Variants in FURIN observed in about 807,000 individuals in gnomAD.
The protein encoded by FURIN is FES upstream region.
In FURIN, 18 loss-of-function variants were observed where a neutral mutation model predicts 89.2. The observed-to-expected ratio is 0.20, with a 90% CI of 0.14 to 0.30. FURIN has a LOEUF of 0.30. FURIN is among the 10% of genes least tolerant of loss of function. The pLI, the probability that FURIN is intolerant of heterozygous loss-of-function variation, is 1.00. For missense variants in FURIN, 879 were observed against 1,100.5 expected (o/e 0.80, Z 2.85); for synonymous variants, 508 against 466.4 (o/e 1.09, Z -1.15).
At chr15:90,872,487 G>C (rs1195782192) in intron 1 of FURIN, among the ~76,000 whole-genome samples, 1 of 152,182 alleles carries the variant, frequency 6.6e-6, no homozygotes, top group African/African-American at 2.4e-5. Flanking sequence ...GGCGGGTGCT[G>C]AGCAGGTGTG....
Position 90,877,604 on chromosome 15 carries a change from C to T in FURIN, c.656C>T (p.Ala219Val). 1 of 1,566,680 alleles carries T rather than the reference C, an allele frequency of 6.4e-7. No homozygotes were observed. Among genetic ancestry groups the T allele is most frequent in the Non-Finnish European group, 8.7e-7 (1 of 1,155,288 alleles). ...TGTGGTGTAGGTGTGGCCTACAACG[C>T]CCGCATTGGAGGTGAGTGTGGGCCT... Reference protein sequence around the residue: ...GVCGVGVAYNARIGGVRMLDG... With the variant: ...GVCGVGVAYNVRIGGVRMLDG... The change falls in exon 7 of 16, where the codon GCC (alanine) becomes GTC (valine). Residue 219 changes from alanine (A) to valine (V), a missense_variant. By Grantham distance (64) the Ala-to-Val change is moderately conservative. Coordinates refer to ENST00000268171, the MANE Select transcript of FURIN (RefSeq NM_002569.4).
chr15:90,869,654 G>A (rs1424026101), intron 1 of FURIN, among the ~76,000 whole-genome samples: 1 of 152,160 alleles, frequency 6.6e-6, no homozygotes, highest in Non-Finnish European at 1.5e-5. Context: ...AAGAAACTGG[G>A]AAGCTCCACT....
chr15:90,875,879 A>T lies in FURIN; in HGVS notation c.139A>T (p.Ser47Cys), dbSNP rs760751749. ...CCCTGGAGGCCCAGCGGTGGCCAACAGTGTGGCACGGAAGCATGGGTTCCT... is the reference window on the plus strand; with the variant it reads ...CCCTGGAGGCCCAGCGGTGGCCAACTGTGTGGCACGGAAGCATGGGTTCCT... ...RIPGGPAVAN[S>C]VARKHGFLNL... Residue 47 changes from serine (S) to cysteine (C), a missense_variant, in exon 2 of 16, where the codon AGT (serine) becomes TGT (cysteine). Transcript: ENST00000268171. The T allele has an allele frequency of 6.3e-7, 1 of 1,590,506 alleles. No homozygotes were observed. Among genetic ancestry groups the T allele is most frequent in the South Asian group, 1.2e-5 (1 of 86,810 alleles).
Position 90,882,528 on chromosome 15 carries a change from C to G in FURIN, c.*650C>G, listed in dbSNP as rs1196654233. On this transcript the variant is annotated 3_prime_UTR_variant, in exon 16 of 16. Coordinates refer to ENST00000268171, the MANE Select transcript of FURIN (RefSeq NM_002569.4). ...AGCCAAGGCCGAAGCTCTGGCTGAA[C>G]CCTGTGCTGGTGTCCTGACCACCCT... The G allele has an allele frequency of 3.3e-5, 5 of 153,336 alleles. No homozygotes were observed. Among genetic ancestry groups the G allele is most frequent in the Non-Finnish European group, 5.8e-5 (4 of 68,626 alleles). The allele number at this position is 153,336 out of a possible 1,614,324, so 9.5% of individuals were successfully genotyped here.
rs751290576 is a variant in FURIN, at chr15:90,875,909, C to G, written c.169C>G (p.Leu57Val). 1.3e-6 allele frequency: 2 copies of G among 1,583,558 alleles called. No homozygotes were observed. The highest frequency in any genetic ancestry group is 1.7e-6 in the Non-Finnish European group (2 of 1,165,878). The change falls in exon 2 of 16, where the codon CTG (leucine) becomes GTG (valine). Residue 57 changes from leucine (L) to valine (V), a missense_variant. By Grantham distance (32) the Leu-to-Val change is conservative. This residue lies in a region of FURIN where 125 missense variants were observed against 125.0 expected (regional missense o/e 1.00). Transcript: ENST00000268171. ...SVARKHGFLN[L>V]GQIFGDYYHF... ...GGCACGGAAGCATGGGTTCCTCAAC[C>G]TGGGCCAGGTAGGTGTTCCCCCACA... is the stretch of plus-strand genomic sequence containing the variant.
chr15:90,875,558 CT>C, intron 1 of FURIN, 23 bp from the exon 2 acceptor site: 3 of 535,498 alleles, frequency 5.6e-6, no homozygotes, highest in Non-Finnish European at 9.9e-6. Context: ...CCTCTCTCCC[CT>C]TTTCCCCTCT....
chr15:90,879,176 C>T (rs1474788956), intron 9 of FURIN, among the ~76,000 whole-genome samples, 200 bp downstream of exon 9: 2 of 152,214 alleles, frequency 1.3e-5, no homozygotes, highest in African/African-American at 2.4e-5. Context: ...AAAGCCTAGA[C>T]TCTCTCTAAA....
intron 1 of FURIN, among the ~76,000 whole-genome samples, chr15:90,872,238 G>A (rs1437095523): frequency 6.6e-6 from 1 of 151,996 alleles, no homozygotes; most frequent in South Asian, 2.1e-4. Flanking sequence ...TAGGTCCCTG[G>A]GCTGCCTTCT....
In FURIN at chr15:90,875,839, G is replaced by C. The variant is rs745366653; in HGVS notation, c.99G>C (p.Thr33=). The change falls in exon 2 of 16, where the codon ACG becomes ACC. Residue 33 remains threonine, a synonymous_variant. Transcript: ENST00000268171. The stretch of plus-strand genomic sequence containing the variant: ...AGGGCCAGAAGGTCTTCACCAACAC[G>C]TGGGCTGTGCGCATCCCTGGAGGCC... ...DAQGQKVFTN[T]WAVRIPGGPA... is the part of the protein sequence containing the mutation. 7.0e-6 allele frequency: 11 copies of C among 1,577,616 alleles called. No individual in the cohort carries two copies. Among genetic ancestry groups the C allele is most frequent in the Non-Finnish European group, 8.6e-6 (10 of 1,161,936 alleles).
At chr15:90,875,153 G>C (rs1211115121) in intron 1 of FURIN, among the ~76,000 whole-genome samples, 1 of 150,730 alleles carries the variant, frequency 6.6e-6, no homozygotes, top group Non-Finnish European at 1.5e-5. Flanking sequence ...TTGTGCCTCA[G>C]CCTCCCAAGT....
At chr15:90,874,543 A>G (rs2031501313) in intron 1 of FURIN, among the ~76,000 whole-genome samples, 1 of 152,246 alleles carries the variant, frequency 6.6e-6, no homozygotes, top group Non-Finnish European at 1.5e-5. Context: ...CCCCCTCAGG[A>G]CATGGCCCCT....
chr15:90,878,018 C>T (rs1596077200), intron 7 of FURIN, 114 bp from the exon 8 acceptor site: 3 of 982,892 alleles, frequency 3.1e-6, no homozygotes, highest in Middle Eastern at 3.2e-4. Flanking sequence ...CATCAGCCTC[C>T]ACCCTTCCCT....
intron 1 of FURIN, among the ~76,000 whole-genome samples, chr15:90,871,091 G>C (rs1175943314): frequency 1.3e-5 from 2 of 152,220 alleles, no homozygotes; most frequent in Non-Finnish European, 2.9e-5. Context: ...CCGCCGTGCA[G>C]TCCTCCCTCG....
chr15:90,877,988 G>A (rs1052196968), intron 7 of FURIN, 144 bp from the exon 8 acceptor site: 1 of 702,564 alleles, frequency 1.4e-6, no homozygotes, highest in East Asian at 2.8e-5. Context: ...ACAGGTAGTT[G>A]GGGGTTCAGG....
At chr15:90,880,295 G>T (rs555129391) in intron 13 of FURIN, 22 bp downstream of exon 13, 1 of 1,571,280 alleles carries the variant, frequency 6.4e-7, no homozygotes, top group Non-Finnish European at 8.7e-7. Flanking sequence ...GTCCCTGCCC[G>T]CCCTGCCCAG....
chr15:90,873,321 G>T (rs1021796114), intron 1 of FURIN, among the ~76,000 whole-genome samples: 3 of 152,120 alleles, frequency 2.0e-5, no homozygotes, highest in Non-Finnish European at 4.4e-5. Flanking sequence ...TGCGCCTGAC[G>T]CCTGCTTTCT....
In FURIN at chr15:90,876,536, G is replaced by C; in HGVS notation, c.351G>C (p.Lys117Asn). ...RDVYQEPTDP[K>N]FPQQWYLSGV... The stretch of plus-strand genomic sequence containing the variant: ...TGTACCAGGAGCCCACAGACCCCAA[G>C]TTTCCTCAGCAGTGGTACCTGGTAC... The change falls in exon 4 of 16, where the codon AAG (lysine) becomes AAC (asparagine). Residue 117 changes from lysine (K) to asparagine (N), a missense_variant. Coordinates refer to ENST00000268171, the MANE Select transcript of FURIN (RefSeq NM_002569.4). This position sits in a 1 kb window ranked among gnomAD's most constrained non-coding sequence, Gnocchi z 5.0. 6.2e-7 allele frequency: 1 copy of C among 1,613,352 alleles called. No individual in the cohort carries two copies. The highest frequency in any genetic ancestry group is 8.5e-7 in the Non-Finnish European group (1 of 1,179,276).
At chr15:90,880,908 C>A (rs766705673) in intron 14 of FURIN, 22 bp from the exon 15 acceptor site, 1 of 1,611,324 alleles carries the variant, frequency 6.2e-7, no homozygotes, top group Admixed American at 1.7e-5. Context: ...TTAACTCTTG[C>A]CTCCTCCCCG....
At position 90,876,063 on chromosome 15, in the gene FURIN, C is replaced by T. The variant is rs1446184048; in HGVS notation, c.177+146C>T. The T allele has an allele frequency of 2.5e-6, 2 of 784,800 alleles. No individual in the cohort carries two copies. The highest frequency in any genetic ancestry group is 2.0e-6 in the Non-Finnish European group (1 of 488,212). The allele number at this position is 784,800 out of a possible 1,614,324, so 48.6% of individuals were successfully genotyped here. On this transcript the variant is annotated intron_variant, in intron 2 of 15. Transcript: ENST00000268171. This position sits in a 1 kb window ranked among gnomAD's most constrained non-coding sequence, Gnocchi z 5.0. ...GGCCATGAGCAAAGCACAGGTGGTT[C>T]AGGCAAGCAGCATATCCCAGTGAGA... is the stretch of plus-strand genomic sequence containing the variant.
Sources: gnomAD v4.1 joint callset for allele counts (sites outside exome capture counted in the v4.1 genomes callset) on GRCh38, gnomAD v4.1.1 for gene constraint, gnomAD v4.1.1 regional missense constraint, Gnocchi (gnomAD v3.1) non-coding constraint, MANE v1.5 for transcripts, NCBI Gene and HGNC (gene_info 2026-07-23, HGNC 2026-07-21) for gene names.